Variants in ST7L observed in about 807,000 individuals in gnomAD.
ST7L encodes the protein suppression of tumorigenicity 7 like.
A neutral mutation model predicts 72.5 loss-of-function variants in ST7L; 57 were observed. The ratio of observed to expected loss-of-function variants is 0.79; its 90% CI spans 0.64 to 0.98. ST7L has a LOEUF of 0.98. ST7L is among the 50% of genes least tolerant of loss of function. The pLI is 0.00. For synonymous variants in ST7L, 221 were observed against 240.9 expected (o/e 0.92, Z 0.77); for missense variants, 576 against 672.2 (o/e 0.86, Z 1.58).
chr1:112,576,409 T>C (rs984790117), intron 11 of ST7L, among the ~76,000 whole-genome samples: 2 of 152,210 alleles, frequency 1.3e-5, no homozygotes, highest in South Asian at 2.1e-4. Context: ...CAAAATTTAA[T>C]TTTGTGTTGT....
intron 1 of ST7L, among the ~76,000 whole-genome samples, chr1:112,617,715 TCTCACACA>T (rs869084247): frequency 0.019 from 2,334 of 123,124 alleles, 74 homozygotes; most frequent in African/African-American, 0.07. Flanking sequence ...TCTTTCTCTC[TCTCACACA>T]CACACACACA....
At chr1:112,538,819 T>C (rs1655622619) in intron 14 of ST7L, among the ~76,000 whole-genome samples, 1 of 152,218 alleles carries the variant, frequency 6.6e-6, no homozygotes, top group Admixed American at 6.5e-5. Context: ...CAACAACAGC[T>C]AACACTCACC....
intron 3 of ST7L, chr1:112,610,615 T>C: frequency 2.2e-6 from 1 of 450,738 alleles, no homozygotes. Flanking sequence ...CAAGCAGCTC[T>C]CTGGGGTCTC....
chr1:112,593,097 T>A (rs1665943777), intron 5 of ST7L, among the ~76,000 whole-genome samples: 1 of 152,208 alleles, frequency 6.6e-6, no homozygotes, highest in African/African-American at 2.4e-5. Context: ...TAATTTAACA[T>A]CTGAAACTTA....
At chr1:112,536,986 A>G (rs1655311849) in intron 14 of ST7L, among the ~76,000 whole-genome samples, 1 of 151,664 alleles carries the variant, frequency 6.6e-6, no homozygotes, top group Non-Finnish European at 1.5e-5. Context: ...GTTTAGTTAA[A>G]ACCCAACTAG....
rs867367078 is a variant in ST7L at position 112,524,937 on chromosome 1, C to T, written c.*1076G>A. 16 of 152,182 alleles carry T rather than the reference C, an allele frequency of 1.1e-4. No individual in the cohort carries two copies. Among genetic ancestry groups the T allele is most frequent in the African/African-American group, 3.9e-4 (16 of 41,424 alleles). 9.4% of individuals were successfully genotyped at this position (152,182 alleles called of 1,614,324 possible). A position where few individuals can be genotyped will look rare whatever the true frequency, so the allele number is the denominator to read the frequency against. Reference sequence around the variant, plus strand: ...TAATCAAGGAATATCTACAAAGTCACATTACCAACCTGCAGGCAACTCTTT... The same window carrying T: ...TAATCAAGGAATATCTACAAAGTCATATTACCAACCTGCAGGCAACTCTTT... On this transcript the variant is annotated 3_prime_UTR_variant, in exon 15 of 15. Transcript: ENST00000358039.
intron 14 of ST7L, among the ~76,000 whole-genome samples, chr1:112,531,933 C>T (rs745488012): frequency 6.6e-6 from 1 of 152,164 alleles, no homozygotes; most frequent in Non-Finnish European, 1.5e-5. Context: ...TCAAAGAAGA[C>T]TCTTTTCAGG....
At chr1:112,568,861 A>AATATAAATAT (rs61349207) in intron 11 of ST7L, among the ~76,000 whole-genome samples, 1,628 of 114,582 alleles carry the variant, frequency 0.014, 39 homozygotes, top group African/African-American at 0.054. Flanking sequence ...TATAAATATA[A>AATATAAATAT]ATATATATAT....
At chr1:112,614,684 C>T (rs929558896) in intron 2 of ST7L, among the ~76,000 whole-genome samples, 1 of 151,940 alleles carries the variant, frequency 6.6e-6, no homozygotes, top group Admixed American at 6.6e-5. Context: ...TGGTGGTTCA[C>T]GCCTGGAACC....
intron 11 of ST7L, among the ~76,000 whole-genome samples, chr1:112,575,904 T>TA (rs1282262511): frequency 1.3e-5 from 2 of 152,232 alleles, no homozygotes; most frequent in Non-Finnish European, 2.9e-5. Context: ...TTACTTACTC[T>TA]AACAGGCTTA....
At chr1:112,613,910 T>C (rs1390680236) in intron 2 of ST7L, among the ~76,000 whole-genome samples, 1 of 152,098 alleles carries the variant, frequency 6.6e-6, no homozygotes, top group Non-Finnish European at 1.5e-5. Context: ...TAAAATTTTA[T>C]ACAGAGACCA....
chr1:112,584,263 A>G (rs980299832), intron 6 of ST7L, 137 bp from the exon 7 acceptor site: 5 of 860,176 alleles, frequency 5.8e-6, no homozygotes, highest in Middle Eastern at 3.7e-4. Flanking sequence ...CCTTCGTTCA[A>G]TATTTTACCT....
intron 6 of ST7L, among the ~76,000 whole-genome samples, chr1:112,590,216 A>C (rs1665483909): frequency 1.3e-5 from 2 of 152,188 alleles, no homozygotes; most frequent in Admixed American, 1.3e-4. Flanking sequence ...AGTTCTTTGA[A>C]AATAAGGTCC....
intron 9 of ST7L, among the ~76,000 whole-genome samples, chr1:112,579,062 G>A (rs889858287): frequency 2.0e-4 from 31 of 151,938 alleles, no homozygotes; most frequent in Non-Finnish European, 3.8e-4. Flanking sequence ...TCTGCACAAC[G>A]GTGAAATGCG....
At chr1:112,570,986 A>G (rs996276849) in intron 11 of ST7L, among the ~76,000 whole-genome samples, 1 of 152,158 alleles carries the variant, frequency 6.6e-6, no homozygotes, top group African/African-American at 2.4e-5. Context: ...CCTGGCCAAC[A>G]TGGTGAAACC....
chr1:112,595,028 A>G (rs751857270), intron 5 of ST7L, among the ~76,000 whole-genome samples: 4 of 152,180 alleles, frequency 2.6e-5, no homozygotes, highest in Admixed American at 6.5e-5. Context: ...TGCAAAACAG[A>G]TATGTGTTCA....
intron 3 of ST7L, among the ~76,000 whole-genome samples, 165 bp from the exon 4 acceptor site, chr1:112,601,013 C>T: frequency 6.6e-6 from 1 of 152,158 alleles, no homozygotes; most frequent in African/African-American, 2.4e-5. Context: ...TAGTCATTTC[C>T]TTATTTCTGT....
In ST7L at chr1:112,555,855, A is replaced by G; in HGVS notation, c.1396+13T>C. ...TAGAGAGATTAGTGTTACTTTTGGA[A>G]AAGAATACTTACTGCCTTCCCATGT... On this transcript the variant is annotated intron_variant, in intron 12 of 14. Transcript: ENST00000358039. The G allele has an allele frequency of 6.7e-7, 1 of 1,484,876 alleles. No homozygotes were observed. Among genetic ancestry groups the G allele is most frequent in the Non-Finnish European group, 9.0e-7 (1 of 1,110,836 alleles). The allele number at this position is 1,484,876 out of a possible 1,614,324, so 92.0% of individuals were successfully genotyped here.
Position 112,547,561 on chromosome 1 carries a change from C to CTTTTT in ST7L, c.1489+3035_1489+3039dup, listed in dbSNP as rs59755766. ...ACACATTGTCTGTCATCTTTGTCAT[C>CTTTTT]TTTTTTTTTTTTTTTTTTTTTTTTT... On this transcript the variant is annotated intron_variant, in intron 13 of 14. Coordinates refer to ENST00000358039, the MANE Select transcript of ST7L (RefSeq NM_017744.5). 1.6e-3 allele frequency among the ~76,000 whole-genome samples: 98 copies of CTTTTT among 62,026 alleles called. 21 individuals carry two copies. Among genetic ancestry groups the CTTTTT allele is most frequent in the East Asian group, 5.1e-3 (8 of 1,572 alleles). 40.7% of individuals were successfully genotyped at this position (62,026 alleles called of 152,430 possible).
Sources: gnomAD v4.1 joint callset for allele counts (sites outside exome capture counted in the v4.1 genomes callset) on GRCh38, gnomAD v4.1.1 for gene constraint, MANE v1.5 for transcripts, NCBI Gene and HGNC (gene_info 2026-07-23, HGNC 2026-07-21) for gene names.